RABGAP1L: variants seen among roughly 807,000 people sequenced by gnomAD.
The protein encoded by RABGAP1L is rab GTPase-activating protein 1-like.
Under a neutral mutation model 137.7 loss-of-function variants are expected in RABGAP1L, and 63 were observed. The ratio of observed to expected loss-of-function variants is 0.46; its 90% CI spans 0.37 to 0.56. The LOEUF (loss-of-function observed/expected upper bound fraction) is 0.56, where lower values mean the gene tolerates loss of function less well. Ranked by LOEUF, RABGAP1L falls within the 20% of genes least tolerant of loss-of-function variation. RABGAP1L has a pLI of 0.00. For synonymous variants in RABGAP1L, 431 were observed against 433.7 expected (o/e 0.99, Z 0.08); for missense variants, 1,095 against 1,244.0 (o/e 0.88, Z 1.80).
rs1673228742 is a variant in RABGAP1L, at chr1:174,630,060, T to A, written c.1711-7315T>A. Reference sequence around the variant, plus strand: ...ATAGATAGCTCTTATTATTTTGAAATACGTCCCATCAATACCTAATTTATT... The same window carrying A: ...ATAGATAGCTCTTATTATTTTGAAAAACGTCCCATCAATACCTAATTTATT... On this transcript the variant is annotated intron_variant, in intron 13 of 25. Coordinates refer to ENST00000681986, the MANE Select transcript of RABGAP1L (RefSeq NM_001366446.1). Among the ~76,000 whole-genome samples, 5 of 150,980 alleles carry A rather than the reference T, an allele frequency of 3.3e-5. 1 individual carries two copies. The South Asian group carries it at 1.1e-3, about 32-fold the overall frequency.
chr1:174,833,408 G>GTGTGTGTATATATA (rs754029582), intron 19 of RABGAP1L, among the ~76,000 whole-genome samples: 64 of 67,676 alleles, frequency 9.5e-4, no homozygotes, highest in African/African-American at 2.4e-3. Flanking sequence ...GTGTATGTGT[G>GTGTGTGTATATATA]TATGTGTGTG....
intron 19 of RABGAP1L, among the ~76,000 whole-genome samples, chr1:174,893,930 G>A (rs1173229574): frequency 1.3e-5 from 2 of 152,172 alleles, no homozygotes; most frequent in African/African-American, 4.8e-5. Flanking sequence ...GCATCCTGCT[G>A]CTAGGGAAGT....
intron 13 of RABGAP1L, among the ~76,000 whole-genome samples, chr1:174,440,245 TATC>T (rs1653965942): frequency 1.3e-5 from 2 of 152,208 alleles, no homozygotes; most frequent in South Asian, 2.1e-4. Flanking sequence ...ATTAAGATCT[TATC>T]ATAAGGGCAA....
intron 13 of RABGAP1L, among the ~76,000 whole-genome samples, chr1:174,582,974 TC>T (rs1668854417): frequency 3.3e-5 from 5 of 152,202 alleles, no homozygotes; most frequent in African/African-American, 1.2e-4. Flanking sequence ...ATTAGGGATT[TC>T]AAATTATGTA....
intron 14 of RABGAP1L, among the ~76,000 whole-genome samples, chr1:174,649,235 C>T (rs1675250283): frequency 6.6e-6 from 1 of 152,022 alleles, no homozygotes; most frequent in Admixed American, 6.5e-5. Flanking sequence ...GAATTTGATC[C>T]TGTCGTTATG....
chr1:174,296,969 T>C (rs1329761907), intron 10 of RABGAP1L, among the ~76,000 whole-genome samples: 1 of 152,240 alleles, frequency 6.6e-6, no homozygotes, highest in Non-Finnish European at 1.5e-5. Flanking sequence ...TGGTTTGCTT[T>C]GTTTTACCTT....
chr1:174,231,250 G>A lies in RABGAP1L; in HGVS notation c.437G>A (p.Arg146His), dbSNP rs201323511. 5.0e-6 allele frequency: 8 copies of A among 1,613,830 alleles called. No individual in the cohort carries two copies. Among genetic ancestry groups the A allele is most frequent in the South Asian group, 1.1e-5 (1 of 91,070 alleles). The change falls in exon 4 of 26, where the codon CGT (arginine) becomes CAT (histidine). Residue 146 changes from arginine (R) to histidine (H), a missense_variant. This residue lies in a region of RABGAP1L where 356 missense variants were observed against 326.3 expected (regional missense o/e 1.09). Coordinates refer to ENST00000681986, the MANE Select transcript of RABGAP1L (RefSeq NM_001366446.1). ...GGATGTATGAAGGTTTCTTCCCCAC[G>A]TAATGAAGTAGAGGCTTTACGGGCA... ...YLGCMKVSSPRNEVEALRAMA... is the reference protein window; with the variant it reads ...YLGCMKVSSPHNEVEALRAMA...
rs1655020803 is a variant in RABGAP1L at position 174,448,303 on chromosome 1, C to T, written c.1710+54158C>T. 1 of 1,612,944 alleles carries T rather than the reference C, an allele frequency of 6.2e-7. No individual in the cohort carries two copies. Among genetic ancestry groups the T allele is most frequent in the Middle Eastern group, 1.7e-4 (1 of 6,058 alleles). On this transcript the variant is annotated intron_variant, in intron 13 of 25. Transcript: ENST00000681986. The surrounding 1 kb of genome is among the most constrained non-coding windows in gnomAD (Gnocchi z 4.2). ...CTGGGAATCTAACAGTTATCTTTGT[C>T]TTTCATTGTGCTCCACTGTTACATC...
chr1:174,745,904 T>C (rs1683826637), intron 17 of RABGAP1L, among the ~76,000 whole-genome samples: 1 of 152,258 alleles, frequency 6.6e-6, no homozygotes. Flanking sequence ...TTGGCCATTT[T>C]TGGTTTGATA....
At chr1:174,393,429 G>A (rs1647408893) in intron 12 of RABGAP1L, among the ~76,000 whole-genome samples, 1 of 152,232 alleles carries the variant, frequency 6.6e-6, no homozygotes, top group Admixed American at 6.5e-5. Context: ...GGACCTGGGA[G>A]TCAGGATGTG....
chr1:174,464,929 G>A (rs1657117751), intron 13 of RABGAP1L, among the ~76,000 whole-genome samples: 1 of 152,034 alleles, frequency 6.6e-6, no homozygotes, highest in African/African-American at 2.4e-5. Flanking sequence ...TAACTAGCAA[G>A]GTAGTCTCTT....
chr1:174,691,631 C>T (rs996406362), intron 15 of RABGAP1L, among the ~76,000 whole-genome samples: 1 of 152,136 alleles, frequency 6.6e-6, no homozygotes, highest in Non-Finnish European at 1.5e-5. Flanking sequence ...GATAAAGTTT[C>T]TGTACACAGC....
chr1:174,546,182 G>A (rs1476942586), intron 13 of RABGAP1L, among the ~76,000 whole-genome samples: 1 of 152,126 alleles, frequency 6.6e-6, no homozygotes, highest in Admixed American at 6.5e-5. Context: ...GGGTCTGGAA[G>A]CAATACTAGA....
At chr1:174,600,320 C>G (rs1347643672) in intron 13 of RABGAP1L, among the ~76,000 whole-genome samples, 1 of 152,148 alleles carries the variant, frequency 6.6e-6, no homozygotes, top group African/African-American at 2.4e-5. Flanking sequence ...CTTTCTGCCC[C>G]TGGCCCTTCC....
chr1:174,805,255 A>G (rs1689175779), intron 18 of RABGAP1L, among the ~76,000 whole-genome samples: 1 of 152,196 alleles, frequency 6.6e-6, no homozygotes, highest in Non-Finnish European at 1.5e-5. Context: ...CATTCTACTT[A>G]CCTTTCCCTC....
At chr1:174,672,791 T>C (rs972158177) in intron 14 of RABGAP1L, among the ~76,000 whole-genome samples, 3 of 152,202 alleles carry the variant, frequency 2.0e-5, no homozygotes, top group Non-Finnish European at 4.4e-5. Flanking sequence ...TACTGATTTC[T>C]AGTTTTATAC....
At chr1:174,629,858 A>C (rs1035100446) in intron 13 of RABGAP1L, among the ~76,000 whole-genome samples, 1 of 152,042 alleles carries the variant, frequency 6.6e-6, no homozygotes, top group Non-Finnish European at 1.5e-5. Flanking sequence ...AGGTGATTTT[A>C]TTTTCATTTG....
At chr1:174,606,746 A>G (rs1261254077) in intron 13 of RABGAP1L, among the ~76,000 whole-genome samples, 1 of 152,148 alleles carries the variant, frequency 6.6e-6, no homozygotes, top group Non-Finnish European at 1.5e-5. Context: ...ATGTCTATCC[A>G]TTGTTATCTC....
intron 19 of RABGAP1L, among the ~76,000 whole-genome samples, chr1:174,869,309 G>A (rs1431676263): frequency 2.6e-5 from 4 of 151,770 alleles, no homozygotes; most frequent in Admixed American, 1.3e-4. Context: ...GATCATGGGG[G>A]AGTGGATCAT....
Sources: allele counts gnomAD v4.1 joint callset (sites outside exome capture counted in the v4.1 genomes callset), GRCh38; gene constraint gnomAD v4.1.1; regional missense constraint gnomAD v4.1.1; non-coding constraint Gnocchi (gnomAD v3.1); transcripts MANE v1.5; gene names NCBI Gene and HGNC (gene_info 2026-07-23, HGNC 2026-07-21).